Variants in LRBA observed in about 807,000 individuals in gnomAD.
LRBA encodes LPS responsive beige-like anchor protein, also known as lipopolysaccharide-responsive and beige-like anchor protein.
LRBA carries 176 observed loss-of-function variants against 330.0 expected under a neutral mutation model. The observed-to-expected ratio is 0.53, with a 90% CI of 0.47 to 0.60. LRBA has a LOEUF of 0.60. LRBA is among the 20% of genes least tolerant of loss of function. LRBA has a pLI of 0.00. For missense variants in LRBA, 3,259 were observed against 3,444.8 expected (o/e 0.95, Z 1.35); for synonymous variants, 1,230 against 1,193.0 (o/e 1.03, Z -0.64).
chr4:150,358,107 A>C (rs913948762), intron 47 of LRBA, among the ~76,000 whole-genome samples: 11 of 152,150 alleles, frequency 7.2e-5, no homozygotes, highest in African/African-American at 2.7e-4. Flanking sequence ...TAATCCTGAG[A>C]TAGATTTAAA....
At chr4:150,281,177 G>A (rs1381622242) in intron 55 of LRBA, among the ~76,000 whole-genome samples, 2 of 152,110 alleles carry the variant, frequency 1.3e-5, no homozygotes, top group African/African-American at 2.4e-5. Flanking sequence ...CAATATAATC[G>A]CAACTCAAAG....
intron 47 of LRBA, among the ~76,000 whole-genome samples, chr4:150,387,330 G>A (rs1189781447): frequency 6.6e-6 from 1 of 152,076 alleles, no homozygotes; most frequent in Non-Finnish European, 1.5e-5. Flanking sequence ...TTTTAGAATG[G>A]AAGGTAAATA....
chr4:150,427,779 T>G (rs190305588), intron 46 of LRBA, among the ~76,000 whole-genome samples: 243 of 152,126 alleles, frequency 1.6e-3, no homozygotes, highest in Middle Eastern at 3.4e-3. Flanking sequence ...GAAGTTTAAG[T>G]TTTTTAAAAA....
chr4:150,562,823 G>C (rs79281574), intron 40 of LRBA, among the ~76,000 whole-genome samples: 164 of 150,582 alleles, frequency 1.1e-3, no homozygotes, highest in African/African-American at 3.7e-3. Context: ...TTTTTTAATA[G>C]GGGTCTTGCT....
At chr4:150,770,666 G>A (rs1184317244) in intron 34 of LRBA, among the ~76,000 whole-genome samples, 1 of 151,702 alleles carries the variant, frequency 6.6e-6, no homozygotes, top group African/African-American at 2.4e-5. Flanking sequence ...TTCTTGTTCT[G>A]TAAATGGTCA....
intron 40 of LRBA, among the ~76,000 whole-genome samples, chr4:150,511,819 G>A (rs1761865682): frequency 6.6e-6 from 1 of 152,274 alleles, no homozygotes; most frequent in South Asian, 2.1e-4. Context: ...GTGTAGCCAA[G>A]TCTATCAGAC....
chr4:150,822,745 C>A (rs532175625), intron 30 of LRBA, among the ~76,000 whole-genome samples: 40 of 152,236 alleles, frequency 2.6e-4, no homozygotes, highest in African/African-American at 9.4e-4. Flanking sequence ...GAGCAAGACA[C>A]CGTCTCAAAA....
intron 34 of LRBA, among the ~76,000 whole-genome samples, chr4:150,771,939 A>G (rs1361183872): frequency 1.3e-5 from 2 of 152,198 alleles, no homozygotes; most frequent in Non-Finnish European, 1.5e-5. Context: ...TTCAGTGAGC[A>G]TTCACATAGG....
intron 46 of LRBA, among the ~76,000 whole-genome samples, chr4:150,432,583 G>A (rs1419098650): frequency 6.7e-6 from 1 of 149,226 alleles, no homozygotes; most frequent in Non-Finnish European, 1.5e-5. Context: ...TCAGCCTCCC[G>A]AGTAGCTGGG....
At chr4:150,878,986 C>T (rs1306926828) in intron 17 of LRBA, among the ~76,000 whole-genome samples, 1 of 150,768 alleles carries the variant, frequency 6.6e-6, no homozygotes, top group African/African-American at 2.4e-5. Flanking sequence ...ATTCAAAAAA[C>T]TTGAGTACAA....
chr4:150,954,164 C>G (rs1469473826), intron 2 of LRBA, among the ~76,000 whole-genome samples: 1 of 150,582 alleles, frequency 6.6e-6, no homozygotes, highest in Non-Finnish European at 1.5e-5. Flanking sequence ...AGCCCCCGCC[C>G]GGCCAGCCGC....
chr4:150,734,186 T>C (rs1730883922), intron 36 of LRBA, among the ~76,000 whole-genome samples: 1 of 152,114 alleles, frequency 6.6e-6, no homozygotes, highest in South Asian at 2.1e-4. Flanking sequence ...AATCATCATA[T>C]GCTTTTTTTC....
intron 26 of LRBA, among the ~76,000 whole-genome samples, chr4:150,845,700 C>T (rs1749757107): frequency 6.6e-6 from 1 of 151,862 alleles, no homozygotes; most frequent in African/African-American, 2.4e-5. Flanking sequence ...CTGAAAGGTG[C>T]CCAAAGAGAG....
intron 40 of LRBA, among the ~76,000 whole-genome samples, chr4:150,569,224 A>C (rs1046233217): frequency 5.9e-5 from 9 of 152,262 alleles, no homozygotes; most frequent in African/African-American, 1.9e-4. Flanking sequence ...CTTCAGATGT[A>C]ACACAATAGA....
chr4:150,767,789 C>T (rs1196964992), intron 34 of LRBA, among the ~76,000 whole-genome samples: 9 of 134,662 alleles, frequency 6.7e-5, no homozygotes, highest in African/African-American at 1.4e-4. Flanking sequence ...TTTGGCCAGG[C>T]GCGGTGGCTC....
At chr4:150,265,933 G>T in intron 56 of LRBA, 121 bp from the exon 57 acceptor site, 1 of 669,998 alleles carries the variant, frequency 1.5e-6, no homozygotes, top group Non-Finnish European at 2.7e-6. Flanking sequence ...GCTCCAATTT[G>T]TGGGAACTAA....
intron 41 of LRBA, among the ~76,000 whole-genome samples, chr4:150,489,155 A>ATATATAATATATTATATATAAG (rs1330434861): frequency 1.6e-4 from 10 of 62,186 alleles, no homozygotes; most frequent in East Asian, 4.8e-4. Flanking sequence ...ATATATCAGA[A>ATATATAATATATTATATATAAG]TATATAATAT....
intron 35 of LRBA, among the ~76,000 whole-genome samples, chr4:150,743,464 G>A (rs1283258088): frequency 6.6e-6 from 1 of 152,058 alleles, no homozygotes; most frequent in Non-Finnish European, 1.5e-5. Flanking sequence ...ACATTAAGAG[G>A]AAAAATAAAC....
chr4:150,289,050 G>T (rs543439885), intron 53 of LRBA, among the ~76,000 whole-genome samples: 33 of 152,200 alleles, frequency 2.2e-4, no homozygotes, highest in African/African-American at 7.9e-4. Flanking sequence ...GGAGAGGATT[G>T]CTGTCAATTT....
Sources: gnomAD v4.1 joint callset for allele counts (sites outside exome capture counted in the v4.1 genomes callset) on GRCh38, gnomAD v4.1.1 for gene constraint, MANE v1.5 for transcripts, NCBI Gene and HGNC (gene_info 2026-07-23, HGNC 2026-07-21) for gene names.